The following RTRAF variants were observed in gnomAD, a reference collection of about 807,000 sequenced individuals.
RTRAF encodes RNA transcription, translation and transport factor.
In RTRAF, 14 loss-of-function variants were observed where a neutral mutation model predicts 34.4. The observed-to-expected ratio is 0.41, with a 90% CI of 0.27 to 0.64. The LOEUF (loss-of-function observed/expected upper bound fraction) is 0.64. RTRAF is among the 30% of genes least tolerant of loss of function. The pLI is 0.34. For synonymous variants in RTRAF, 96 were observed against 95.3 expected, an observed-to-expected ratio of 1.01 and a Z score of -0.04; for missense variants, 291 against 288.4, an observed-to-expected ratio of 1.01 and a Z score of -0.06.
intron 3 of RTRAF, among the ~76,000 whole-genome samples, chr14:51,994,894 T>C (rs1594985396): frequency 6.6e-6 from 1 of 152,178 alleles, no homozygotes; most frequent in East Asian, 1.9e-4. Flanking sequence ...TGTTTCTTTG[T>C]TCACACTTTT....
chr14:51,993,666 T>C, intron 2 of RTRAF, 57 bp from the exon 3 acceptor site: 1 of 1,074,302 alleles, frequency 9.3e-7, no homozygotes, highest in South Asian at 1.4e-5. Flanking sequence ...CCATTCTTTT[T>C]TCTGTGACTT....
In RTRAF at chr14:52,010,054, C is replaced by T. The variant is rs900730400; in HGVS notation, c.*5538C>T. The T allele has an allele frequency of 6.6e-6, 1 of 152,030 alleles. No homozygotes were observed. Among genetic ancestry groups the T allele is most frequent in the African/African-American group, 2.4e-5 (1 of 41,398 alleles). 9.4% of individuals were successfully genotyped at this position (152,030 alleles called of 1,614,324 possible). A position where few individuals can be genotyped will look rare whatever the true frequency, so the allele number is the denominator to read the frequency against. On this transcript the variant is annotated 3_prime_UTR_variant, in exon 8 of 8. Transcript: ENST00000261700. The stretch of plus-strand genomic sequence containing the variant: ...CAAATGTCAGAAAGGCAAGCCTATG[C>T]AAAGAGTTTTTAAGAGGGCTATTAA...
chr14:52,003,236 C>G lies in RTRAF; in HGVS notation c.532-958C>G, dbSNP rs867541038. The stretch of plus-strand genomic sequence containing the variant: ...ACTATTTGAGGCATATGGTAGTTTT[C>G]AGGGGTAGCTTGGTGGCCTGTTGGC... On this transcript the variant is annotated intron_variant, in intron 6 of 7. Coordinates refer to ENST00000261700, the MANE Select transcript of RTRAF (RefSeq NM_016039.3). Among the ~76,000 whole-genome samples the G allele has an allele frequency of 1.1e-4, 16 of 151,996 alleles. 1 individual carries two copies. The South Asian group carries it at 1.7e-3, about 16-fold the overall frequency.
Position 51,991,387 on chromosome 14 carries a change from CAG to C in RTRAF, c.135_136del (p.Gly46GlufsTer15), listed in dbSNP as rs771794428. 6.2e-7 allele frequency: 1 copy of C among 1,613,506 alleles called. No individual in the cohort carries two copies. The highest frequency in any genetic ancestry group is 1.3e-5 in the African/African-American group (1 of 74,996). On this transcript the variant is annotated frameshift_variant, in exon 2 of 8. Transcript: ENST00000261700. LOFTEE classifies it high-confidence loss of function. ...QKIRHYKIED[R>X]GNLRNIHSSD... ...AAATCAGGCACTACAAGATTGAAGA[CAG>C]AGGGAATTTAAGAAACATCCACAGC...
chr14:52,005,391 C>CAATT lies in RTRAF; in HGVS notation c.*876_*879dup. 7.9e-7 allele frequency: 1 copy of CAATT among 1,260,916 alleles called. No homozygotes were observed. Among genetic ancestry groups the CAATT allele is most frequent in the Admixed American group, 2.6e-5 (1 of 38,956 alleles). The allele number at this position is 1,260,916 out of a possible 1,614,324, so 78.1% of individuals were successfully genotyped here. A position where few individuals can be genotyped will look rare whatever the true frequency, so the allele number is the denominator to read the frequency against. ...TGGATGCTCAGGAACGTCTAATGGC[C>CAATT]AATTCCTTTTTTACTTTCTTTGCCT... is the stretch of plus-strand genomic sequence containing the variant. On this transcript the variant is annotated 3_prime_UTR_variant, in exon 8 of 8. Transcript: ENST00000261700.
chr14:52,005,404 ACTTT>A lies in RTRAF; in HGVS notation c.*893_*896del, dbSNP rs905381176. 4.4e-6 allele frequency: 6 copies of A among 1,358,302 alleles called. No individual in the cohort carries two copies. Among genetic ancestry groups the A allele is most frequent in the Middle Eastern group, 1.9e-4 (1 of 5,214 alleles). The allele number at this position is 1,358,302 out of a possible 1,614,324, so 84.1% of individuals were successfully genotyped here. On this transcript the variant is annotated 3_prime_UTR_variant, in exon 8 of 8. Coordinates refer to ENST00000261700, the MANE Select transcript of RTRAF (RefSeq NM_016039.3). Reference sequence around the variant, plus strand: ...ACGTCTAATGGCCAATTCCTTTTTTACTTTCTTTGCCTTTGCAGTCACTGTTCTT... The same window carrying A: ...ACGTCTAATGGCCAATTCCTTTTTTACTTTGCCTTTGCAGTCACTGTTCTT...
At chr14:51,997,948 GAT>G (rs1246442236) in intron 3 of RTRAF, 1 of 151,814 alleles carries the variant, frequency 6.6e-6, no homozygotes, top group Non-Finnish European at 1.5e-5. Flanking sequence ...TTAATGAAAA[GAT>G]ATTTGTGTCA....
chr14:52,005,636 C>A lies in RTRAF; in HGVS notation c.*1120C>A, dbSNP rs1170531443. On this transcript the variant is annotated 3_prime_UTR_variant, in exon 8 of 8. Transcript: ENST00000261700. ...ACTGGCCCTCAGGGCAGGAAGAAGG[C>A]AATGGTGGCAGTGTCACAGGCAGCA... The A allele has an allele frequency of 7.3e-7, 1 of 1,365,128 alleles. No individual in the cohort carries two copies. The highest frequency in any genetic ancestry group is 1.0e-6 in the Non-Finnish European group (1 of 957,662). The allele number at this position is 1,365,128 out of a possible 1,614,324, so 84.6% of individuals were successfully genotyped here. A position where few individuals can be genotyped will look rare whatever the true frequency, so the allele number is the denominator to read the frequency against.
At position 52,009,150 on chromosome 14, in the gene RTRAF, T is replaced by C. The variant is rs1012831214; in HGVS notation, c.*4634T>C. On this transcript the variant is annotated 3_prime_UTR_variant, in exon 8 of 8. Transcript: ENST00000261700. ...CCCCTGTTGCGAATTTCATCCCTTA[T>C]GCCCAACAGATGAAGCAGAGAGAAG... 2.6e-5 allele frequency: 4 copies of C among 152,230 alleles called. No homozygotes were observed. Among genetic ancestry groups the C allele is most frequent in the African/African-American group, 9.6e-5 (4 of 41,468 alleles). The allele number at this position is 152,230 out of a possible 1,614,324, so 9.4% of individuals were successfully genotyped here.
chr14:51,998,456 T>G (rs376608717), intron 3 of RTRAF, 38 bp from the exon 4 acceptor site: 329 of 1,251,144 alleles, frequency 2.6e-4, no homozygotes, highest in Non-Finnish European at 6.7e-5. Flanking sequence ...TACCTTGAGT[T>G]GCAGTTGTAC....
chr14:52,000,622 T>C (rs1014613690), intron 5 of RTRAF, among the ~76,000 whole-genome samples: 1 of 152,212 alleles, frequency 6.6e-6, no homozygotes, highest in Non-Finnish European at 1.5e-5. Flanking sequence ...AAATGTCAGT[T>C]TTAACAAGAC....
rs1361850743 is a variant in RTRAF, at chr14:52,004,589, C to CAA, written c.*76_*77dup. Reference sequence around the variant, plus strand: ...ATACACTTCTGGCATGTTTGGAAATCAAAATGTCACATTCTCGGGGGAGGA... The same window carrying CAA: ...ATACACTTCTGGCATGTTTGGAAATCAAAAAATGTCACATTCTCGGGGGAGGA... On this transcript the variant is annotated 3_prime_UTR_variant, in exon 8 of 8. Coordinates refer to ENST00000261700, the MANE Select transcript of RTRAF (RefSeq NM_016039.3). The CAA allele has an allele frequency of 5.7e-6, 8 of 1,402,862 alleles. No homozygotes were observed. Among genetic ancestry groups the CAA allele is most frequent in the Admixed American group, 2.5e-5 (1 of 40,552 alleles). The allele number at this position is 1,402,862 out of a possible 1,614,324, so 86.9% of individuals were successfully genotyped here.
Position 52,007,701 on chromosome 14 carries a change from C to G in RTRAF, c.*3185C>G, listed in dbSNP as rs1890842889. ...TACTAGTACTTAAAAGTTTACAGAC[C>G]AAAGAAAGGAGATCTAAGTGATGGG... On this transcript the variant is annotated 3_prime_UTR_variant, in exon 8 of 8. Coordinates refer to ENST00000261700, the MANE Select transcript of RTRAF (RefSeq NM_016039.3). The G allele has an allele frequency of 9.9e-7, 1 of 1,011,326 alleles. No homozygotes were observed. Among genetic ancestry groups the G allele is most frequent in the Non-Finnish European group, 1.5e-6 (1 of 667,626 alleles). 62.6% of individuals were successfully genotyped at this position (1,011,326 alleles called of 1,614,324 possible). A position where few individuals can be genotyped will look rare whatever the true frequency, so the allele number is the denominator to read the frequency against.
intron 6 of RTRAF, among the ~76,000 whole-genome samples, chr14:52,003,052 A>T (rs2486655): frequency 6.6e-6 from 1 of 152,244 alleles, no homozygotes; most frequent in Admixed American, 6.5e-5. Context: ...CAGTGTAAGT[A>T]AAGGCTTAGC....
intron 3 of RTRAF, among the ~76,000 whole-genome samples, chr14:51,995,662 G>A (rs1890507487): frequency 2.6e-5 from 4 of 152,058 alleles, no homozygotes; most frequent in South Asian, 2.1e-4. Context: ...AATGTGTGGC[G>A]AATGCAGTAT....
chr14:52,001,649 T>TA (rs1287888085), intron 5 of RTRAF, 149 bp from the exon 6 acceptor site: 17 of 636,290 alleles, frequency 2.7e-5, no homozygotes, highest in Non-Finnish European at 3.8e-5. Flanking sequence ...TAGTGGGTTT[T>TA]TTTTATTTTT....
rs1383180567 is a variant in RTRAF, at chr14:52,006,443, G to GAGTCA, written c.*1933_*1937dup. On this transcript the variant is annotated 3_prime_UTR_variant, in exon 8 of 8. Transcript: ENST00000261700. Reference sequence around the variant, plus strand: ...AAACAAAAGCCTCAGAGGGCTTAATGAGTCAAGTCAGGTACTGACTTTTGG... The same window carrying GAGTCA: ...AAACAAAAGCCTCAGAGGGCTTAATGAGTCAAGTCAAGTCAGGTACTGACTTTTGG... 9.7e-6 allele frequency: 14 copies of GAGTCA among 1,441,392 alleles called. No individual in the cohort carries two copies. The highest frequency in any genetic ancestry group is 3.9e-5 in the Admixed American group (2 of 51,046). The allele number at this position is 1,441,392 out of a possible 1,614,324, so 89.3% of individuals were successfully genotyped here. A position where few individuals can be genotyped will look rare whatever the true frequency, so the allele number is the denominator to read the frequency against.
chr14:52,000,827 A>G (rs2140330506), intron 5 of RTRAF, among the ~76,000 whole-genome samples: 1 of 152,314 alleles, frequency 6.6e-6, no homozygotes, highest in Middle Eastern at 3.4e-3. Context: ...AGCTTTAATC[A>G]TAAAGTAAGT....
intron 5 of RTRAF, among the ~76,000 whole-genome samples, chr14:52,000,904 ATAAAG>A: frequency 6.6e-6 from 1 of 152,316 alleles, no homozygotes; most frequent in South Asian, 2.1e-4. Context: ...ACCCAAGGGG[ATAAAG>A]TATAAATCAA....
Sources: gnomAD v4.1 joint callset for allele counts (sites outside exome capture counted in the v4.1 genomes callset) on GRCh38, gnomAD v4.1.1 for gene constraint, MANE v1.5 for transcripts, NCBI Gene and HGNC (gene_info 2026-07-23, HGNC 2026-07-21) for gene names.